ZFPM2: variants seen among roughly 807,000 people sequenced by gnomAD.
ZFPM2 encodes the protein zinc finger protein, FOG family member 2.
A neutral mutation model predicts 98.6 loss-of-function variants in ZFPM2; 20 were observed. That is an observed-to-expected ratio of 0.20 (90% CI 0.14 to 0.29). The LOEUF is 0.29. Ranked by LOEUF, ZFPM2 falls within the 10% of genes least tolerant of loss-of-function variation. The pLI is 1.00. For missense variants in ZFPM2, 1,310 were observed against 1,388.6 expected (o/e 0.94, Z 0.90); for synonymous variants, 518 against 502.7 (o/e 1.03, Z -0.41).
chr8:105,593,539 G>C (rs1815895547), intron 4 of ZFPM2, among the ~76,000 whole-genome samples: 1 of 151,710 alleles, frequency 6.6e-6, no homozygotes, highest in Admixed American at 6.6e-5. Context: ...CAAATCTGCT[G>C]TCCGCAGCTG....
chr8:105,682,245 C>T (rs891266934), intron 5 of ZFPM2, among the ~76,000 whole-genome samples: 6 of 152,046 alleles, frequency 3.9e-5, no homozygotes, highest in African/African-American at 1.2e-4. Flanking sequence ...CAAGTCACAA[C>T]GTAAGGAGGG....
Position 105,600,054 on chromosome 8 carries a change from T to G in ZFPM2, c.421-34192T>G, listed in dbSNP as rs149368424. On this transcript the variant is annotated intron_variant, in intron 4 of 7. Transcript: ENST00000407775. ...TGTGGAAATATTGATTTTCATTTTA[T>G]AGTGAATTTGGAGCATGAGTTGGTA... is the stretch of plus-strand genomic sequence containing the variant. Among the ~76,000 whole-genome samples the G allele has an allele frequency of 7.2e-5, 11 of 152,278 alleles. No individual in the cohort carries two copies. In the East Asian group the frequency reaches 2.1e-3, roughly 29 times the overall value.
intron 3 of ZFPM2, among the ~76,000 whole-genome samples, chr8:105,468,700 G>A (rs1203287809): frequency 2.0e-5 from 3 of 152,254 alleles, no homozygotes; most frequent in Non-Finnish European, 4.4e-5. Flanking sequence ...TATTAAGTGA[G>A]CATTTATTAT....
chr8:105,620,928 G>T (rs1052622433), intron 4 of ZFPM2, among the ~76,000 whole-genome samples: 3 of 152,034 alleles, frequency 2.0e-5, no homozygotes, highest in African/African-American at 7.2e-5. Flanking sequence ...TGTTTTGGTC[G>T]CTGTAGCCTC....
At position 105,319,001 on chromosome 8, in the gene ZFPM2, C is replaced by A. The variant is rs759628299; in HGVS notation, c.40+20C>A. The A allele has an allele frequency of 1.3e-6, 2 of 1,494,716 alleles. No individual in the cohort carries two copies. Among genetic ancestry groups the A allele is most frequent in the Non-Finnish European group, 1.8e-6 (2 of 1,114,486 alleles). 92.6% of individuals were successfully genotyped at this position (1,494,716 alleles called of 1,614,324 possible). Reference sequence around the variant, plus strand: ...TCAAACGTAAGTTTGCGCGCGGGGCCGGGAGTTGGTGGGATTATTGCCCAG... The same window carrying A: ...TCAAACGTAAGTTTGCGCGCGGGGCAGGGAGTTGGTGGGATTATTGCCCAG... On this transcript the variant is annotated intron_variant, in intron 1 of 7. Coordinates refer to ENST00000407775, the MANE Select transcript of ZFPM2 (RefSeq NM_012082.4).
At chr8:105,764,291 C>CTG (rs1812807133) in intron 5 of ZFPM2, among the ~76,000 whole-genome samples, 2 of 77,880 alleles carry the variant, frequency 2.6e-5, no homozygotes, top group African/African-American at 2.1e-4. Context: ...CTCTCTGACA[C>CTG]ACACACACAC....
intron 3 of ZFPM2, among the ~76,000 whole-genome samples, chr8:105,510,417 GT>G (rs1813794831): frequency 7.8e-6 from 1 of 128,478 alleles, no homozygotes; most frequent in African/African-American, 3.0e-5. Flanking sequence ...TTTTTTGTTT[GT>G]TTGTTTGTTT....
At chr8:105,338,633 C>T (rs1247121580) in intron 1 of ZFPM2, among the ~76,000 whole-genome samples, 1 of 151,664 alleles carries the variant, frequency 6.6e-6, no homozygotes, top group African/African-American at 2.4e-5. Flanking sequence ...AATATGTAAC[C>T]TTTTGTGCCA....
chr8:105,648,377 G>A (rs902568881), intron 5 of ZFPM2, among the ~76,000 whole-genome samples: 1 of 152,158 alleles, frequency 6.6e-6, no homozygotes, highest in African/African-American at 2.4e-5. Flanking sequence ...AAGCTCTTTA[G>A]TTTAATTAGA....
chr8:105,649,440 G>A (rs1586173504), intron 5 of ZFPM2, among the ~76,000 whole-genome samples: 3 of 152,154 alleles, frequency 2.0e-5, no homozygotes, highest in African/African-American at 4.8e-5. Flanking sequence ...GTGAGAGAGG[G>A]CATCCCTGTC....
chr8:105,714,244 A>C (rs184774138), intron 5 of ZFPM2, among the ~76,000 whole-genome samples: 1 of 152,018 alleles, frequency 6.6e-6, no homozygotes, highest in Non-Finnish European at 1.5e-5. Context: ...ATAAGATTGC[A>C]TTCTTGATTT....
chr8:105,513,754 A>G (rs1288900400), intron 3 of ZFPM2, among the ~76,000 whole-genome samples: 1 of 152,238 alleles, frequency 6.6e-6, no homozygotes, highest in Non-Finnish European at 1.5e-5. Context: ...TGCTTTAAAA[A>G]GGTATTGAAT....
chr8:105,581,592 C>G (rs912348826), intron 4 of ZFPM2, among the ~76,000 whole-genome samples: 6 of 152,028 alleles, frequency 3.9e-5, no homozygotes, highest in African/African-American at 1.4e-4. Context: ...TAGAAATAAC[C>G]AAAATGGATA....
In ZFPM2 at chr8:105,716,476, C is replaced by T. The variant is rs570424012; in HGVS notation, c.533-72242C>T. ...TTTACATATATGTCTGTGTTATATACGTGTGTGTATATATGATTCACACTG... is the reference window on the plus strand; with the variant it reads ...TTTACATATATGTCTGTGTTATATATGTGTGTGTATATATGATTCACACTG... On this transcript the variant is annotated intron_variant, in intron 5 of 7. Coordinates refer to ENST00000407775, the MANE Select transcript of ZFPM2 (RefSeq NM_012082.4). 8.6e-5 allele frequency among the ~76,000 whole-genome samples: 13 copies of T among 151,900 alleles called. No individual in the cohort carries two copies. The South Asian group carries it at 1.0e-3, about 12-fold the overall frequency.
intron 3 of ZFPM2, among the ~76,000 whole-genome samples, chr8:105,523,670 G>A (rs1814110402): frequency 6.6e-6 from 1 of 152,188 alleles, no homozygotes; most frequent in African/African-American, 2.4e-5. Context: ...AGTGGTGGTT[G>A]TTACTATGTT....
intron 4 of ZFPM2, among the ~76,000 whole-genome samples, chr8:105,629,349 A>G (rs1315566576): frequency 6.6e-6 from 1 of 152,214 alleles, no homozygotes; most frequent in African/African-American, 2.4e-5. Flanking sequence ...ATGATCAATG[A>G]CTGTGGAATA....
At chr8:105,720,586 T>C (rs1432560325) in intron 5 of ZFPM2, among the ~76,000 whole-genome samples, 1 of 151,888 alleles carries the variant, frequency 6.6e-6, no homozygotes, top group Non-Finnish European at 1.5e-5. Flanking sequence ...ATGAAAAATA[T>C]CTGCCACATC....
intron 3 of ZFPM2, among the ~76,000 whole-genome samples, chr8:105,521,336 G>GA (rs35916002): frequency 3.1e-5 from 4 of 129,044 alleles, no homozygotes; most frequent in Non-Finnish European, 6.8e-5. Flanking sequence ...ATAGTTTCAA[G>GA]AAAAAAAACT....
chr8:105,360,923 G>A (rs1340004248), intron 1 of ZFPM2, among the ~76,000 whole-genome samples: 3 of 145,246 alleles, frequency 2.1e-5, no homozygotes, highest in Admixed American at 7.0e-5. Context: ...GAATAGTGCC[G>A]CAGTAAACAT....
Sources: allele counts gnomAD v4.1 joint callset (sites outside exome capture counted in the v4.1 genomes callset), GRCh38; gene constraint gnomAD v4.1.1; transcripts MANE v1.5; gene names NCBI Gene and HGNC (gene_info 2026-07-23, HGNC 2026-07-21).